Variants in PKHD1 observed in about 807,000 individuals in gnomAD.
PKHD1 encodes the protein PKHD1 ciliary IPT domain containing fibrocystin/polyductin.
A neutral mutation model predicts 412.0 loss-of-function variants in PKHD1; 291 were observed. The observed-to-expected ratio is 0.71, with a 90% CI of 0.64 to 0.78. PKHD1 has a LOEUF of 0.78. Among genes scored for constraint, PKHD1 ranks in the 30% least tolerant of loss-of-function variants. The probability of loss-of-function intolerance (pLI) is 0.00; values close to 1 mark genes in which losing one functional copy is unlikely to be tolerated. For synonymous variants in PKHD1, 1,777 were observed against 1,821.5 expected (o/e 0.98, Z 0.62); for missense variants, 4,825 against 4,950.7 (o/e 0.97, Z 0.76).
chr6:51,949,937 A>T (rs1790064095), intron 36 of PKHD1, among the ~76,000 whole-genome samples: 1 of 152,108 alleles, frequency 6.6e-6, no homozygotes, highest in African/African-American at 2.4e-5. Flanking sequence ...AATAGATATC[A>T]GAAGAAATTT....
At chr6:51,793,540 A>G (rs968267680) in intron 52 of PKHD1, among the ~76,000 whole-genome samples, 2 of 152,048 alleles carry the variant, frequency 1.3e-5, no homozygotes, top group African/African-American at 4.8e-5. Flanking sequence ...GACAGACCCC[A>G]GTGTGTGTTG....
At chr6:52,042,559 T>C (rs146410643) in intron 27 of PKHD1, among the ~76,000 whole-genome samples, 2 of 152,312 alleles carry the variant, frequency 1.3e-5, no homozygotes, top group African/African-American at 4.8e-5. Flanking sequence ...CAGTTTTCCA[T>C]GCTAGCCAAG....
chr6:51,750,997 G>A (rs1056353480), intron 57 of PKHD1, among the ~76,000 whole-genome samples: 12 of 151,940 alleles, frequency 7.9e-5, no homozygotes, highest in African/African-American at 1.2e-4. Context: ...AGCTGGTATC[G>A]AACTCCTGAC....
At position 51,934,253 on chromosome 6, in the gene PKHD1, C is replaced by T; in HGVS notation, c.5978G>A (p.Gly1993Asp). 1.2e-6 allele frequency: 2 copies of T among 1,613,876 alleles called. No individual in the cohort carries two copies. The highest frequency in any genetic ancestry group is 1.7e-6 in the Non-Finnish European group (2 of 1,179,944). Reference protein sequence around the residue: ...LRAHAILVSDGGELRIGSEDK... With the variant: ...LRAHAILVSDDGELRIGSEDK... ...TTCGGATCCAATCCGGAGCTCTCCACCATCAGAAACAAGGATGGCGTGTGC... is the reference window on the plus strand; with the variant it reads ...TTCGGATCCAATCCGGAGCTCTCCATCATCAGAAACAAGGATGGCGTGTGC... The change falls in exon 37 of 67, where the codon GGT becomes GAT. Residue 1993 changes from glycine to aspartate, a missense_variant. Physicochemically the swap from Gly to Asp is moderately conservative, Grantham distance 94. Transcript: ENST00000371117.
At chr6:51,667,861 C>A (rs9395703) in intron 60 of PKHD1, among the ~76,000 whole-genome samples, 3 of 149,810 alleles carry the variant, frequency 2.0e-5, no homozygotes, top group Admixed American at 1.3e-4. Context: ...GTTGTAGATA[C>A]GCGGCGTTAT....
At chr6:51,828,474 G>A (rs532094358) in intron 52 of PKHD1, among the ~76,000 whole-genome samples, 10 of 152,096 alleles carry the variant, frequency 6.6e-5, no homozygotes, top group South Asian at 4.2e-4. Context: ...TACTATCATC[G>A]TAAAAATCAT....
At chr6:51,845,515 T>C (rs745691522) in intron 50 of PKHD1, among the ~76,000 whole-genome samples, 38 of 152,380 alleles carry the variant, frequency 2.5e-4, no homozygotes, top group Middle Eastern at 3.4e-3. Context: ...CTGTGACTTC[T>C]TATTCCTTTT....
intron 52 of PKHD1, among the ~76,000 whole-genome samples, chr6:51,825,936 G>C (rs1767225700): frequency 6.6e-6 from 1 of 152,054 alleles, no homozygotes; most frequent in Non-Finnish European, 1.5e-5. Context: ...AACTACACAA[G>C]CTATAGAAAC....
chr6:51,678,063 A>G (rs534337268), intron 60 of PKHD1, among the ~76,000 whole-genome samples: 1 of 152,238 alleles, frequency 6.6e-6, no homozygotes, highest in East Asian at 1.9e-4. Flanking sequence ...TATGGTCCCA[A>G]TTATGATTTT....
intron 48 of PKHD1, among the ~76,000 whole-genome samples, chr6:51,857,035 A>G (rs1435613794): frequency 6.6e-6 from 1 of 152,250 alleles, no homozygotes; most frequent in Non-Finnish European, 1.5e-5. Context: ...GAGCAAAAGC[A>G]ATATGTGAGT....
At chr6:51,660,983 C>A (rs1562046597) in intron 60 of PKHD1, among the ~76,000 whole-genome samples, 1 of 152,104 alleles carries the variant, frequency 6.6e-6, no homozygotes, top group Non-Finnish European at 1.5e-5. Flanking sequence ...GATTGGTTCC[C>A]CTGGCAACCA....
chr6:51,666,457 C>T (rs184116255), intron 60 of PKHD1, among the ~76,000 whole-genome samples: 36 of 152,172 alleles, frequency 2.4e-4, no homozygotes, highest in Admixed American at 3.9e-4. Flanking sequence ...GGATGATTGA[C>T]GTTTGTTTTC....
intron 35 of PKHD1, among the ~76,000 whole-genome samples, chr6:51,989,646 C>T (rs1325167045): frequency 1.3e-5 from 2 of 151,828 alleles, no homozygotes; most frequent in Non-Finnish European, 2.9e-5. Context: ...ATTTTTCACT[C>T]GAGTCATCAT....
chr6:51,874,542 T>A (rs1172817179), intron 46 of PKHD1, among the ~76,000 whole-genome samples: 1 of 152,130 alleles, frequency 6.6e-6, no homozygotes, highest in African/African-American at 2.4e-5. Context: ...CAGAAAGTAA[T>A]GTTTATTTTA....
rs753450358 is a variant in PKHD1, at chr6:51,883,142, G to A, written c.7301C>T (p.Ala2434Val). The change falls in exon 46 of 67, where the codon GCA (alanine) becomes GTA (valine). Residue 2434 changes from alanine (A) to valine (V), a missense_variant. Physicochemically the swap from Ala to Val is moderately conservative, Grantham distance 64. Coordinates refer to ENST00000371117, the MANE Select transcript of PKHD1 (RefSeq NM_138694.4). ...TAAGCTGTCAGTAACTGAAGTATTTGCATCACTTTCCAAGACGTCAATTCC... is the reference window on the plus strand; with the variant it reads ...TAAGCTGTCAGTAACTGAAGTATTTACATCACTTTCCAAGACGTCAATTCC... ...DFGIDVLESD[A>V]NTSVTDSLLL... The A allele has an allele frequency of 6.2e-6, 10 of 1,612,056 alleles. No homozygotes were observed. Among genetic ancestry groups the A allele is most frequent in the South Asian group, 1.1e-5 (1 of 91,032 alleles).
At chr6:51,796,407 A>C (rs529101482) in intron 52 of PKHD1, among the ~76,000 whole-genome samples, 1 of 142,886 alleles carries the variant, frequency 7.0e-6, no homozygotes, top group African/African-American at 2.6e-5. Context: ...TTCTTTATTA[A>C]TCTAGCTAGC....
At chr6:52,000,777 G>A (rs1798279388) in intron 35 of PKHD1, among the ~76,000 whole-genome samples, 1 of 151,970 alleles carries the variant, frequency 6.6e-6, no homozygotes, top group African/African-American at 2.4e-5. Context: ...AGGACTTTTG[G>A]GAGCCAAAAT....
At chr6:51,678,946 C>G (rs995901894) in intron 60 of PKHD1, among the ~76,000 whole-genome samples, 2 of 152,096 alleles carry the variant, frequency 1.3e-5, no homozygotes, top group Non-Finnish European at 2.9e-5. Flanking sequence ...CTGGCACACT[C>G]TTTACCCAGA....
intron 60 of PKHD1, chr6:51,722,049 A>G (rs553504494): frequency 6.2e-7 from 1 of 1,613,484 alleles, no homozygotes; most frequent in African/African-American, 1.3e-5. Flanking sequence ...CTTTAGTCAG[A>G]CATTGAAGGC....
Sources: gnomAD v4.1 joint callset for allele counts (sites outside exome capture counted in the v4.1 genomes callset) on GRCh38, gnomAD v4.1.1 for gene constraint, MANE v1.5 for transcripts, NCBI Gene and HGNC (gene_info 2026-07-23, HGNC 2026-07-21) for gene names.